FAP: variants seen among roughly 807,000 people sequenced by gnomAD.
FAP encodes the protein prolyl endopeptidase FAP.
In FAP, 110 loss-of-function variants were observed where a neutral mutation model predicts 126.5. The ratio of observed to expected loss-of-function variants is 0.87; its 90% CI spans 0.74 to 1.02. FAP has a LOEUF of 1.02. Ranked by LOEUF, FAP falls within the 50% of genes least tolerant of loss-of-function variation. The probability of loss-of-function intolerance (pLI) is 0.00; values close to 1 mark genes in which losing one functional copy is unlikely to be tolerated. For missense variants in FAP, 919 were observed against 909.2 expected, an observed-to-expected ratio of 1.01 and a Z score of -0.14; for synonymous variants, 334 against 297.3, an observed-to-expected ratio of 1.12 and a Z score of -1.27.
At chr2:162,234,290 A>C (rs1027891235) in intron 2 of FAP, among the ~76,000 whole-genome samples, 2 of 152,212 alleles carry the variant, frequency 1.3e-5, no homozygotes, top group Non-Finnish European at 2.9e-5. Flanking sequence ...ATCTGTTGAT[A>C]AATTTAGGCA....
intron 17 of FAP, among the ~76,000 whole-genome samples, chr2:162,194,332 G>GA (rs113792808): frequency 0.012 from 1,199 of 98,408 alleles, 5 homozygotes; most frequent in Middle Eastern, 0.072. Context: ...AATCCCTGAG[G>GA]AAAAAAAAAA....
At chr2:162,172,753 C>T (rs1687356578) in intron 25 of FAP, 58 bp downstream of exon 25, 6 of 1,119,420 alleles carry the variant, frequency 5.4e-6, no homozygotes, top group Non-Finnish European at 8.1e-6. Flanking sequence ...AAATATGAAC[C>T]CCTCCTTTTA....
At chr2:162,242,814 A>C in intron 2 of FAP, 94 bp downstream of exon 2, 1 of 863,684 alleles carries the variant, frequency 1.2e-6, no homozygotes, top group Non-Finnish European at 1.9e-6. Context: ...TTGGAACATA[A>C]GCACTTAGGA....
chr2:162,230,877 C>A (rs1393632482), intron 2 of FAP, among the ~76,000 whole-genome samples: 1 of 152,102 alleles, frequency 6.6e-6, no homozygotes, highest in African/African-American at 2.4e-5. Context: ...TCAATGCACT[C>A]CTGTGCCTAT....
At chr2:162,203,227 G>A (rs906256670) in intron 12 of FAP, 82 bp from the exon 13 acceptor site, 12 of 793,582 alleles carry the variant, frequency 1.5e-5, no homozygotes, top group South Asian at 1.2e-4. Flanking sequence ...TAAAAGCGAC[G>A]TATGGTCATA....
chr2:162,241,434 TA>T (rs1350164262), intron 2 of FAP, among the ~76,000 whole-genome samples: 4 of 152,228 alleles, frequency 2.6e-5, no homozygotes, highest in African/African-American at 9.6e-5. Flanking sequence ...TATGTAAATA[TA>T]ATGCATTTCT....
chr2:162,187,402 G>A (rs1035338655), intron 20 of FAP, among the ~76,000 whole-genome samples: 13 of 151,840 alleles, frequency 8.6e-5, no homozygotes, highest in African/African-American at 2.9e-4. Flanking sequence ...TTAAATTTAC[G>A]AACTATTATT....
chr2:162,211,003 G>A (rs1403689083), intron 11 of FAP, among the ~76,000 whole-genome samples: 1 of 152,152 alleles, frequency 6.6e-6, no homozygotes, highest in African/African-American at 2.4e-5. Context: ...AGGATAATCA[G>A]CAGACCATTT....
chr2:162,242,549 T>C (rs1408908782), intron 2 of FAP, among the ~76,000 whole-genome samples: 5 of 152,226 alleles, frequency 3.3e-5, no homozygotes, highest in Non-Finnish European at 7.4e-5. Context: ...TCATTTTTAC[T>C]TTCCACGAGA....
Position 162,194,952 on chromosome 2 carries a change from C to T in FAP, c.1403-204G>A, listed in dbSNP as rs1166572010. The T allele has an allele frequency of 2.4e-5, 14 of 578,582 alleles. No individual in the cohort carries two copies. The East Asian group carries it at 4.0e-4, about 17-fold the overall frequency. The allele number at this position is 578,582 out of a possible 1,614,324, so 35.8% of individuals were successfully genotyped here. On this transcript the variant is annotated intron_variant, in intron 16 of 25. Coordinates refer to ENST00000188790, the MANE Select transcript of FAP (RefSeq NM_004460.5). ...ATGAGATCAAAGCCCACTCAAAGAA[C>T]AGCTGTGAAAGAAGCCTTGCCTGTG...
At chr2:162,239,144 T>C (rs1441075775) in intron 2 of FAP, among the ~76,000 whole-genome samples, 5 of 152,128 alleles carry the variant, frequency 3.3e-5, no homozygotes, top group African/African-American at 9.7e-5. Context: ...ACTTTTCTGA[T>C]ATTCAGCCTC....
intron 21 of FAP, among the ~76,000 whole-genome samples, chr2:162,179,790 CT>C (rs1559761469): frequency 4.2e-4 from 49 of 115,550 alleles, no homozygotes; most frequent in Admixed American, 7.2e-4. Flanking sequence ...ATCTATCTAT[CT>C]ATATATATAT....
At position 162,217,276 on chromosome 2, in the gene FAP, A is replaced by G. The variant is rs530647647; in HGVS notation, c.762+710T>C. Reference sequence around the variant, plus strand: ...AAAGAACAAAGAAGTGAATTCTAAAATCGCATCCGATTCCTTGTGCAAGAG... The same window carrying G: ...AAAGAACAAAGAAGTGAATTCTAAAGTCGCATCCGATTCCTTGTGCAAGAG... On this transcript the variant is annotated intron_variant, in intron 9 of 25. Coordinates refer to ENST00000188790, the MANE Select transcript of FAP (RefSeq NM_004460.5). Among the ~76,000 whole-genome samples the G allele has an allele frequency of 5.3e-5, 8 of 152,330 alleles. No homozygotes were observed. In the East Asian group the frequency reaches 1.5e-3, roughly 29 times the overall value.
chr2:162,215,608 G>A (rs1689130889), intron 10 of FAP, among the ~76,000 whole-genome samples: 1 of 152,172 alleles, frequency 6.6e-6, no homozygotes, highest in South Asian at 2.1e-4. Context: ...CTTGAAAGAA[G>A]CCAGGGTGAG....
intron 2 of FAP, among the ~76,000 whole-genome samples, chr2:162,233,978 G>A (rs1690003534): frequency 6.6e-6 from 1 of 152,078 alleles, no homozygotes; most frequent in Non-Finnish European, 1.5e-5. Context: ...TTTTCCCGTT[G>A]AATTGTCTTG....
intron 6 of FAP, 55 bp from the exon 7 acceptor site, chr2:162,219,980 AT>A (rs1249971578): frequency 1.7e-6 from 2 of 1,203,236 alleles, no homozygotes; most frequent in African/African-American, 3.0e-5. Context: ...ATGCAAAAAA[AT>A]AATAATCTGT....
intron 16 of FAP, among the ~76,000 whole-genome samples, chr2:162,196,688 T>C (rs1276411596): frequency 6.6e-6 from 1 of 152,142 alleles, no homozygotes; most frequent in African/African-American, 2.4e-5. Flanking sequence ...TTTGATCCTA[T>C]CATCTGGGAC....
chr2:162,206,219 AGT>A (rs1688690148), intron 12 of FAP, among the ~76,000 whole-genome samples: 1 of 152,178 alleles, frequency 6.6e-6, no homozygotes, highest in Non-Finnish European at 1.5e-5. Flanking sequence ...AGGCCCATAA[AGT>A]GTTCTGAGTT....
intron 20 of FAP, among the ~76,000 whole-genome samples, chr2:162,185,899 T>C (rs1217587535): frequency 2.0e-5 from 3 of 152,128 alleles, no homozygotes; most frequent in Admixed American, 6.6e-5. Flanking sequence ...GTCTATCCTA[T>C]TTAGCTTTTG....
Sources: gnomAD v4.1 joint callset for allele counts (sites outside exome capture counted in the v4.1 genomes callset) on GRCh38, gnomAD v4.1.1 for gene constraint, MANE v1.5 for transcripts, NCBI Gene and HGNC (gene_info 2026-07-23, HGNC 2026-07-21) for gene names.